NPAS2: variants seen among roughly 807,000 people sequenced by gnomAD.
NPAS2 encodes neuronal PAS domain-containing protein 2.
A neutral mutation model predicts 107.5 loss-of-function variants in NPAS2; 23 were observed. That is an observed-to-expected ratio of 0.21 (90% CI 0.15 to 0.30). The LOEUF (loss-of-function observed/expected upper bound fraction) is 0.30. Ranked by LOEUF, NPAS2 falls within the 10% of genes least tolerant of loss-of-function variation. The probability of loss-of-function intolerance (pLI) is 1.00; values close to 1 mark genes in which losing one functional copy is unlikely to be tolerated. For synonymous variants in NPAS2, 403 were observed against 417.5 expected (o/e 0.97, Z 0.42); for missense variants, 756 against 1,043.3 (o/e 0.72, Z 3.79).
intron 7 of NPAS2, among the ~76,000 whole-genome samples, chr2:100,963,273 C>T (rs1676018362): frequency 1.3e-5 from 2 of 152,240 alleles, no homozygotes; most frequent in Admixed American, 1.3e-4. Flanking sequence ...TGCCGAGACA[C>T]CCCTACTTTC....
intron 16 of NPAS2, chr2:100,983,156 C>G (rs911282393): frequency 3.9e-5 from 6 of 152,232 alleles, no homozygotes; most frequent in Admixed American, 2.6e-4. Flanking sequence ...CCTGGGAGCA[C>G]TAAGCATTTG....
intron 5 of NPAS2, among the ~76,000 whole-genome samples, chr2:100,946,660 T>C (rs1258519156): frequency 2.0e-5 from 3 of 152,106 alleles, no homozygotes; most frequent in Non-Finnish European, 2.9e-5. Context: ...ACTTGATCTG[T>C]TATGAGGCTC....
chr2:100,909,457 T>C (rs1423630642), intron 2 of NPAS2, among the ~76,000 whole-genome samples: 1 of 152,210 alleles, frequency 6.6e-6, no homozygotes, highest in Non-Finnish European at 1.5e-5. Context: ...ATAAATTCTG[T>C]AGGTCTGAAA....
chr2:100,832,773 C>A (rs1676822210), intron 1 of NPAS2, among the ~76,000 whole-genome samples: 1 of 152,194 alleles, frequency 6.6e-6, no homozygotes, highest in Non-Finnish European at 1.5e-5. Flanking sequence ...ATAGTTAATT[C>A]TTCTTGGGCT....
chr2:100,940,990 A>G (rs1334393038), intron 5 of NPAS2, among the ~76,000 whole-genome samples: 1 of 152,162 alleles, frequency 6.6e-6, no homozygotes, highest in Non-Finnish European at 1.5e-5. Flanking sequence ...CAGGCCAAGC[A>G]CAGGCTGGCC....
rs151260619 is a variant in NPAS2 at position 100,866,279 on chromosome 2, C to T, written c.-22-38454C>T. On this transcript the variant is annotated intron_variant, in intron 1 of 20. Coordinates refer to ENST00000335681, the MANE Select transcript of NPAS2 (RefSeq NM_002518.4). ...CCTGACACAGTTTGTCAAGAGCAGG[C>T]GACTCATGAGTCATTTGTTGACTGT... Among the ~76,000 whole-genome samples, 208 of 152,266 alleles carry T rather than the reference C, an allele frequency of 1.4e-3. 2 individuals carry two copies. Among genetic ancestry groups the T allele is most frequent in the Middle Eastern group, 3.4e-3 (1 of 294 alleles).
At chr2:100,913,783 T>G (rs1682702907) in intron 2 of NPAS2, among the ~76,000 whole-genome samples, 1 of 152,212 alleles carries the variant, frequency 6.6e-6, no homozygotes, top group African/African-American at 2.4e-5. Context: ...CCACTATGCA[T>G]GCGTTCTTGT....
chr2:100,846,450 C>T (rs182644306), intron 1 of NPAS2, among the ~76,000 whole-genome samples: 55 of 152,134 alleles, frequency 3.6e-4, no homozygotes, highest in African/African-American at 1.2e-3. Context: ...TGTGTTTGTA[C>T]GTTTAAATTA....
At chr2:100,884,305 G>C (rs1680565001) in intron 1 of NPAS2, among the ~76,000 whole-genome samples, 1 of 152,004 alleles carries the variant, frequency 6.6e-6, no homozygotes. Context: ...AGGTCTCAAG[G>C]GCACTGAGGA....
chr2:100,990,089 A>G, intron 17 of NPAS2, 167 bp from the exon 18 acceptor site: 1 of 692,606 alleles, frequency 1.4e-6, no homozygotes, highest in Non-Finnish European at 2.5e-6. Flanking sequence ...TTCAAATACA[A>G]TCCAATGGGG....
In NPAS2 at chr2:100,938,442, T is replaced by C. The variant is rs538267930; in HGVS notation, c.363+600T>C. Among the ~76,000 whole-genome samples, 53 of 151,634 alleles carry C rather than the reference T, an allele frequency of 3.5e-4. No individual in the cohort carries two copies. In the South Asian group the frequency reaches 0.011, roughly 31 times the overall value. ...GGCTTTGCATTCCAGAAGTGCACGA[T>C]GGAAGCTCCAAGGTGGCAGAAGGGG... is the stretch of plus-strand genomic sequence containing the variant. On this transcript the variant is annotated intron_variant, in intron 5 of 20. Transcript: ENST00000335681.
intron 1 of NPAS2, among the ~76,000 whole-genome samples, chr2:100,863,593 G>A (rs1385765787): frequency 9.2e-5 from 14 of 152,208 alleles, no homozygotes; most frequent in Admixed American, 9.2e-4. Context: ...AATGGCATGA[G>A]AATGACTCTA....
chr2:100,996,031 G>C lies in NPAS2; in HGVS notation c.*449G>C. On this transcript the variant is annotated 3_prime_UTR_variant, in exon 21 of 21. Transcript: ENST00000335681. ...AGATCTGTTGGAGAGAGAGAATAAAGAGATTATTTTTCATTATTTTTAAAT... is the reference window on the plus strand; with the variant it reads ...AGATCTGTTGGAGAGAGAGAATAAACAGATTATTTTTCATTATTTTTAAAT... 9.3e-7 allele frequency: 1 copy of C among 1,077,922 alleles called. No homozygotes were observed. Among genetic ancestry groups the C allele is most frequent in the Non-Finnish European group, 1.2e-6 (1 of 841,774 alleles). The allele number at this position is 1,077,922 out of a possible 1,614,324, so 66.8% of individuals were successfully genotyped here. A position where few individuals can be genotyped will look rare whatever the true frequency, so the allele number is the denominator to read the frequency against.
intron 1 of NPAS2, among the ~76,000 whole-genome samples, chr2:100,834,221 A>G (rs936536057): frequency 2.3e-4 from 35 of 152,168 alleles, no homozygotes; most frequent in African/African-American, 8.0e-4. Flanking sequence ...CAGAGAATCC[A>G]TAAGAATGAG....
intron 1 of NPAS2, among the ~76,000 whole-genome samples, chr2:100,832,353 C>T (rs1333493830): frequency 1.3e-5 from 2 of 152,164 alleles, no homozygotes; most frequent in African/African-American, 4.8e-5. Flanking sequence ...AGACCTGCTC[C>T]AAGCGCTTAC....
chr2:100,969,764 C>T (rs1558923015), intron 11 of NPAS2, among the ~76,000 whole-genome samples: 1 of 152,090 alleles, frequency 6.6e-6, no homozygotes, highest in Non-Finnish European at 1.5e-5. Flanking sequence ...TGTTCCTAGG[C>T]TACACACCTG....
At chr2:100,897,510 C>T (rs111660148) in intron 1 of NPAS2, among the ~76,000 whole-genome samples, 3,316 of 152,272 alleles carry the variant, frequency 0.022, 55 homozygotes, top group Non-Finnish European at 0.037. Context: ...CCACCTCCCC[C>T]TCACCAAAGC....
chr2:100,869,642 G>A (rs1357930116), intron 1 of NPAS2, among the ~76,000 whole-genome samples: 8 of 152,158 alleles, frequency 5.3e-5, no homozygotes, highest in African/African-American at 7.2e-5. Flanking sequence ...TGTCCCTTCC[G>A]TGTGGGCGGG....
intron 1 of NPAS2, among the ~76,000 whole-genome samples, chr2:100,838,979 T>C (rs1017760957): frequency 6.6e-6 from 1 of 152,146 alleles, no homozygotes; most frequent in African/African-American, 2.4e-5. Flanking sequence ...ATAAAAGTTA[T>C]AGTGAATGTG....
Sources: gnomAD v4.1 joint callset for allele counts (sites outside exome capture counted in the v4.1 genomes callset) on GRCh38, gnomAD v4.1.1 for gene constraint, MANE v1.5 for transcripts, NCBI Gene and HGNC (gene_info 2026-07-23, HGNC 2026-07-21) for gene names.